The following TXNRD2 variants were observed in gnomAD, a reference collection of about 807,000 sequenced individuals.
The protein encoded by TXNRD2 is thioredoxin reductase 2, also known as thioredoxin reductase 2, mitochondrial.
Under a neutral mutation model 70.8 loss-of-function variants are expected in TXNRD2, and 67 were observed. The ratio of observed to expected loss-of-function variants is 0.95; its 90% confidence interval spans 0.78 to 1.16. TXNRD2 has a LOEUF of 1.16. Ranked by LOEUF, TXNRD2 falls within the 50% of genes most tolerant of loss-of-function variation. TXNRD2 has a pLI of 0.00. For missense variants in TXNRD2, 644 were observed against 719.9 expected (o/e 0.89, Z 1.21); for synonymous variants, 301 against 295.8 (o/e 1.02, Z -0.18).
At chr22:19,936,438 G>A (rs992937356) in intron 1 of TXNRD2, among the ~76,000 whole-genome samples, 2 of 151,984 alleles carry the variant, frequency 1.3e-5, no homozygotes, top group African/African-American at 2.4e-5. Flanking sequence ...TAGCTCCTGC[G>A]GCCCCAACTC....
chr22:19,909,667 CACTCACACACACT>C (rs1327913441), intron 8 of TXNRD2, among the ~76,000 whole-genome samples: 27 of 138,018 alleles, frequency 2.0e-4, no homozygotes, highest in South Asian at 4.8e-4. Context: ...ACACACACAC[CACTCACACACACT>C]ACTCACACAC....
intron 8 of TXNRD2, among the ~76,000 whole-genome samples, chr22:19,899,764 C>T (rs1350162751): frequency 2.0e-5 from 3 of 152,234 alleles, no homozygotes; most frequent in Non-Finnish European, 4.4e-5. Flanking sequence ...TGCACATACT[C>T]TTACACGGGC....
intron 8 of TXNRD2, among the ~76,000 whole-genome samples, chr22:19,909,996 A>G (rs1490085663): frequency 7.9e-6 from 1 of 125,788 alleles, no homozygotes; most frequent in Non-Finnish European, 1.7e-5. Context: ...ACACACACAC[A>G]CCACACACAT....
At chr22:19,887,577 G>A (rs188820843) in intron 11 of TXNRD2, 2 of 152,334 alleles carry the variant, frequency 1.3e-5, no homozygotes, top group African/African-American at 4.8e-5. Flanking sequence ...CCTCCCTGCA[G>A]GCACCACACC....
intron 12 of TXNRD2, among the ~76,000 whole-genome samples, chr22:19,881,573 G>A (rs144994665): frequency 5.3e-5 from 8 of 152,316 alleles, no homozygotes; most frequent in Admixed American, 2.6e-4. Context: ...CTTTGTGTGC[G>A]CCATGCATTT....
chr22:19,914,696 T>C lies in TXNRD2; in HGVS notation c.591+518A>G, dbSNP rs547722574. Among the ~76,000 whole-genome samples the C allele has an allele frequency of 1.6e-4, 24 of 152,234 alleles. 1 individual carries two copies. The South Asian group carries it at 4.6e-3, about 29-fold the overall frequency. On this transcript the variant is annotated intron_variant, in intron 7 of 17. Transcript: ENST00000400521. ...GGGAATAGTTTCAGTTCAGGGATGA[T>C]GGAAGGAGTTCTGGCAATGGATGGT...
intron 5 of TXNRD2, among the ~76,000 whole-genome samples, chr22:19,916,910 A>G (rs758680639): frequency 1.3e-5 from 2 of 152,152 alleles, no homozygotes; most frequent in African/African-American, 2.4e-5. Context: ...CACCCGACCA[A>G]CACTTTCTAA....
intron 8 of TXNRD2, among the ~76,000 whole-genome samples, chr22:19,902,344 G>C (rs1382237387): frequency 1.3e-5 from 2 of 152,228 alleles, no homozygotes; most frequent in Non-Finnish European, 2.9e-5. Flanking sequence ...AAATTGGAAT[G>C]GGGGGAGGAA....
At chr22:19,913,981 G>C (rs1940524156) in intron 7 of TXNRD2, among the ~76,000 whole-genome samples, 1 of 152,208 alleles carries the variant, frequency 6.6e-6, no homozygotes, top group Admixed American at 6.5e-5. Flanking sequence ...GTTCCGAAAA[G>C]TCACCAAATA....
chr22:19,911,366 G>T lies in TXNRD2; in HGVS notation c.662+11C>A, dbSNP rs373734411. The T allele has an allele frequency of 1.2e-6, 2 of 1,611,036 alleles. No homozygotes were observed. ...AAAAAGAGGACCCCACCAAGCACGC[G>T]CAGGCCTTACGTTTTTCCAGGGGAT... is the stretch of plus-strand genomic sequence containing the variant. On this transcript the variant is annotated intron_variant, in intron 8 of 17. Coordinates refer to ENST00000400521, the MANE Select transcript of TXNRD2 (RefSeq NM_006440.5).
Position 19,918,123 on chromosome 22 carries a change from C to T in TXNRD2, c.449+20G>A, listed in dbSNP as rs775185957. 6.2e-7 allele frequency: 1 copy of T among 1,612,966 alleles called. No homozygotes were observed. Among genetic ancestry groups the T allele is most frequent in the Non-Finnish European group, 8.5e-7 (1 of 1,179,164 alleles). The stretch of plus-strand genomic sequence containing the variant: ...GAGAAGGCCCAGAGGGCGGCCCATT[C>T]CCGGAGAGAGCTTCAGTACCTGTCC... On this transcript the variant is annotated intron_variant, in intron 5 of 17. Transcript: ENST00000400521.
chr22:19,935,229 G>T (rs960083266), intron 1 of TXNRD2, among the ~76,000 whole-genome samples: 6 of 152,092 alleles, frequency 3.9e-5, no homozygotes, highest in Non-Finnish European at 8.8e-5. Context: ...ATGCATTCCT[G>T]GGGGGAGGTC....
chr22:19,893,537 C>T lies in TXNRD2; in HGVS notation c.949+1870G>A, dbSNP rs541815673. Among the ~76,000 whole-genome samples the T allele has an allele frequency of 1.5e-3, 235 of 152,324 alleles. 1 individual carries two copies. The highest frequency in any genetic ancestry group is 5.1e-3 in the African/African-American group (213 of 41,578). ...GGCCTGGGACAGAGCAGTGTCTGGG[C>T]GATCCCTGTTGGCTCCAGCTGCCCC... is the stretch of plus-strand genomic sequence containing the variant. On this transcript the variant is annotated intron_variant, in intron 11 of 17. Coordinates refer to ENST00000400521, the MANE Select transcript of TXNRD2 (RefSeq NM_006440.5).
Position 19,880,650 on chromosome 22 carries a change from C to A in TXNRD2, c.1154G>T (p.Gly385Val). Residue 385 changes from glycine to valine, a missense_variant, in exon 13 of 18, where the codon GGG becomes GTG. Around this residue, in one of 3 missense-constraint regions of TXNRD2, gnomAD observed 566 missense variants for 645.0 expected, o/e 0.88. Transcript: ENST00000400521. Reference sequence around the variant, plus strand: ...GTCGTAGTCCATCAGATCTGAGGACCCGCCGAAGAGCCGCTGCACCAGGAG... The same window carrying A: ...GTCGTAGTCCATCAGATCTGAGGACACGCCGAAGAGCCGCTGCACCAGGAG... The part of the protein sequence containing the change: ...GRLLVQRLFG[G>V]SSDLMDYDNV... 1.2e-6 allele frequency: 2 copies of A among 1,613,424 alleles called. No individual in the cohort carries two copies. Among genetic ancestry groups the A allele is most frequent in the Non-Finnish European group, 1.7e-6 (2 of 1,180,032 alleles).
chr22:19,881,728 C>T (rs1022927861), intron 12 of TXNRD2, among the ~76,000 whole-genome samples: 1 of 152,206 alleles, frequency 6.6e-6, no homozygotes, highest in Non-Finnish European at 1.5e-5. Flanking sequence ...CAGGGTGCAG[C>T]GCCCACAGGA....
intron 1 of TXNRD2, chr22:19,932,610 C>G: frequency 7.0e-7 from 1 of 1,422,594 alleles, no homozygotes; most frequent in Non-Finnish European, 9.2e-7. Context: ...GAAATAATAG[C>G]AAGTCATCAG....
chr22:19,883,559 C>T (rs769440869), intron 11 of TXNRD2, 98 bp from the exon 12 acceptor site: 110 of 1,558,322 alleles, frequency 7.1e-5, no homozygotes, highest in Non-Finnish European at 8.4e-5. Context: ...ACTTAGAGAC[C>T]GGGTGCAGTG....
At chr22:19,897,863 C>T (rs1601413822) in intron 10 of TXNRD2, among the ~76,000 whole-genome samples, 176 bp downstream of exon 10, 1 of 152,212 alleles carries the variant, frequency 6.6e-6, no homozygotes, top group African/African-American at 2.4e-5. Context: ...CCTCCTCCCT[C>T]GCTCCGGCCG....
At chr22:19,906,561 G>T (rs115585146) in intron 8 of TXNRD2, among the ~76,000 whole-genome samples, 5,619 of 152,184 alleles carry the variant, frequency 0.037, 357 homozygotes, top group African/African-American at 0.13. Flanking sequence ...GATCAAGGCT[G>T]CAGCGAGCCA....
Sources: gnomAD v4.1 joint callset for allele counts (sites outside exome capture counted in the v4.1 genomes callset) on GRCh38, gnomAD v4.1.1 for gene constraint, gnomAD v4.1.1 regional missense constraint, MANE v1.5 for transcripts, NCBI Gene and HGNC (gene_info 2026-07-23, HGNC 2026-07-21) for gene names.